Variants in DNM2 observed in about 807,000 individuals in gnomAD.
The protein encoded by DNM2 is dynamin 2.
DNM2 carries 15 observed loss-of-function variants against 99.0 expected under a neutral mutation model. The ratio of observed to expected loss-of-function variants is 0.15; its 90% CI spans 0.10 to 0.23. DNM2 has a LOEUF of 0.23. Ranked by LOEUF, DNM2 falls within the 10% of genes least tolerant of loss-of-function variation. DNM2 has a pLI of 1.00. For missense variants in DNM2, 742 were observed against 1,189.4 expected, an observed-to-expected ratio of 0.62 and a Z score of 5.53; for synonymous variants, 525 against 481.2, an observed-to-expected ratio of 1.09 and a Z score of -1.19.
At chr19:10,803,597 C>G in intron 12 of DNM2, 1 of 985,398 alleles carries the variant, frequency 1.0e-6, no homozygotes, top group Non-Finnish European at 1.2e-6. Context: ...TTCCTTTGAC[C>G]ACTCTTTCCT....
At chr19:10,798,141 G>A (rs1006705409) in intron 10 of DNM2, among the ~76,000 whole-genome samples, 1 of 152,208 alleles carries the variant, frequency 6.6e-6, no homozygotes, top group African/African-American at 2.4e-5. Flanking sequence ...GCCCTTCAGG[G>A]TTCCTGCTCT....
At chr19:10,766,857 C>T (rs567026870) in intron 2 of DNM2, among the ~76,000 whole-genome samples, 1 of 152,264 alleles carries the variant, frequency 6.6e-6, no homozygotes, top group East Asian at 1.9e-4. Context: ...AGGCTGGGTC[C>T]CTCAGAGTCC....
intron 11 of DNM2, among the ~76,000 whole-genome samples, chr19:10,799,068 CAT>C (rs1177146282): frequency 6.6e-6 from 1 of 152,062 alleles, no homozygotes; most frequent in Non-Finnish European, 1.5e-5. Flanking sequence ...TCTACGAAAA[CAT>C]AAAAAAATTA....
At chr19:10,733,008 C>G (rs150906293) in intron 1 of DNM2, among the ~76,000 whole-genome samples, 4 of 151,850 alleles carry the variant, frequency 2.6e-5, no homozygotes, top group Non-Finnish European at 5.9e-5. Context: ...CTCAGCCTCC[C>G]GAGTAGCTGG....
chr19:10,720,978 T>G (rs2145653100), intron 1 of DNM2, among the ~76,000 whole-genome samples: 1 of 152,240 alleles, frequency 6.6e-6, no homozygotes, highest in East Asian at 1.9e-4. Context: ...CTGGAGGCTG[T>G]AAAGTGAGGA....
chr19:10,810,728 C>T (rs1166461518), intron 14 of DNM2: 1 of 152,356 alleles, frequency 6.6e-6, no homozygotes, highest in Non-Finnish European at 1.5e-5. Context: ...GCACCGACAG[C>T]CTGTCTCCCT....
chr19:10,761,817 C>G (rs1019445059), intron 2 of DNM2, among the ~76,000 whole-genome samples: 4 of 152,164 alleles, frequency 2.6e-5, no homozygotes, highest in African/African-American at 7.2e-5. Context: ...AGGCGTGTCT[C>G]CAGTGAGAGA....
At chr19:10,821,422 G>A (rs1381899446) in intron 16 of DNM2, among the ~76,000 whole-genome samples, 1 of 152,076 alleles carries the variant, frequency 6.6e-6, no homozygotes, top group Non-Finnish European at 1.5e-5. Context: ...TTAGTATCCC[G>A]GGCAAAGTGG....
In DNM2 at chr19:10,795,574, C is replaced by A; in HGVS notation, c.1196+135C>A. ...GCTCTTGGATGGTTTTCTGTAGCTGCGAGCCCCTCCCTGAGGGTCTCCAAG... is the reference window on the plus strand; with the variant it reads ...GCTCTTGGATGGTTTTCTGTAGCTGAGAGCCCCTCCCTGAGGGTCTCCAAG... On this transcript the variant is annotated intron_variant, in intron 9 of 20. Coordinates refer to ENST00000389253, the MANE Select transcript of DNM2 (RefSeq NM_001005361.3). This position sits in a 1 kb window ranked among gnomAD's most constrained non-coding sequence, Gnocchi z 4.2. 2.0e-6 allele frequency: 2 copies of A among 1,003,294 alleles called. No individual in the cohort carries two copies. The highest frequency in any genetic ancestry group is 3.1e-6 in the Non-Finnish European group (2 of 650,788). 62.1% of individuals were successfully genotyped at this position (1,003,294 alleles called of 1,614,324 possible).
At chr19:10,767,891 G>A (rs949013418) in intron 2 of DNM2, among the ~76,000 whole-genome samples, 16 of 152,244 alleles carry the variant, frequency 1.1e-4, no homozygotes, top group African/African-American at 3.6e-4. Context: ...GGGTGACAGA[G>A]CAAGACTCAG....
chr19:10,729,195 A>T (rs978355221), intron 1 of DNM2, among the ~76,000 whole-genome samples: 53 of 144,562 alleles, frequency 3.7e-4, no homozygotes, highest in African/African-American at 1.3e-3. Flanking sequence ...AAAAAATATA[A>T]AAAATTAGCC....
At chr19:10,726,368 C>G (rs76242150) in intron 1 of DNM2, among the ~76,000 whole-genome samples, 5,096 of 152,076 alleles carry the variant, frequency 0.034, 105 homozygotes, top group Middle Eastern at 0.066. Flanking sequence ...GCCTTAGTTT[C>G]TTTTTCCTTA....
rs2072588117 is a variant in DNM2 at position 10,812,554 on chromosome 19, C to T, written c.1671+177C>T. ...CTGTAATCCCAGCACTTTGGGAGGG[C>T]GAGGCAGGTAGATCACGAGGTCGGG... On this transcript the variant is annotated intron_variant, in intron 15 of 20. Transcript: ENST00000389253. The surrounding 1 kb of genome is among the most constrained non-coding windows in gnomAD (Gnocchi z 4.0). Among the ~76,000 whole-genome samples, 1 of 151,952 alleles carries T rather than the reference C, an allele frequency of 6.6e-6. No individual in the cohort carries two copies. Among genetic ancestry groups the T allele is most frequent in the Admixed American group, 6.6e-5 (1 of 15,254 alleles).
At chr19:10,819,744 G>T (rs1229877182) in intron 15 of DNM2, among the ~76,000 whole-genome samples, 1 of 152,274 alleles carries the variant, frequency 6.6e-6, no homozygotes, top group African/African-American at 2.4e-5. Context: ...TAGCCCGGTC[G>T]TCCGAAGGCC....
At position 10,831,796 on chromosome 19, in the gene DNM2, C is replaced by CCT. The variant is rs1160759313; in HGVS notation, c.*756_*757dup. The CCT allele has an allele frequency of 1.0e-6, 1 of 987,130 alleles. No individual in the cohort carries two copies. Among genetic ancestry groups the CCT allele is most frequent in the Non-Finnish European group, 1.2e-6 (1 of 831,026 alleles). 61.1% of individuals were successfully genotyped at this position (987,130 alleles called of 1,614,324 possible). ...TCCCTGATGGGTGGGCCCAGGGCGG[C>CCT]CTCTCTCTGAGGAGACCTCACCCAC... On this transcript the variant is annotated 3_prime_UTR_variant, in exon 21 of 21. Coordinates refer to ENST00000389253, the MANE Select transcript of DNM2 (RefSeq NM_001005361.3). The surrounding 1 kb of genome is among the most constrained non-coding windows in gnomAD (Gnocchi z 4.3).
rs1262116690 is a variant in DNM2 at position 10,828,841 on chromosome 19, C to T, written c.2059-195C>T. ...TTGGGAGGCTGAGGCAGGATAATTA[C>T]TTGAACCCGGGAGGCGGAGGTTGCA... On this transcript the variant is annotated intron_variant, in intron 18 of 20. Coordinates refer to ENST00000389253, the MANE Select transcript of DNM2 (RefSeq NM_001005361.3). 5 of 603,902 alleles carry T rather than the reference C, an allele frequency of 8.3e-6. No individual in the cohort carries two copies. In the Admixed American group the frequency reaches 1.3e-4, roughly 16 times the overall value. The allele number at this position is 603,902 out of a possible 1,614,324, so 37.4% of individuals were successfully genotyped here.
Position 10,764,212 on chromosome 19 carries a change from T to G in DNM2, c.235+4401T>G, listed in dbSNP as rs1006224381. Among the ~76,000 whole-genome samples, 1 of 152,092 alleles carries G rather than the reference T, an allele frequency of 6.6e-6. No individual in the cohort carries two copies. Among genetic ancestry groups the G allele is most frequent in the Admixed American group, 6.6e-5 (1 of 15,260 alleles). ...TGGCCCGGGACTTGTTAAAGTGACT[T>G]CCCTCTCTGTGCCTTGGTAGCTTCA... On this transcript the variant is annotated intron_variant, in intron 2 of 20. Transcript: ENST00000389253. This position sits in a 1 kb window ranked among gnomAD's most constrained non-coding sequence, Gnocchi z 4.1.
chr19:10,811,050 T>G lies in DNM2; in HGVS notation c.1558-1214T>G, dbSNP rs2072525005. 1 of 152,430 alleles carries G rather than the reference T, an allele frequency of 6.6e-6. No homozygotes were observed. The highest frequency in any genetic ancestry group is 6.5e-5 in the Admixed American group (1 of 15,280). The allele number at this position is 152,430 out of a possible 1,614,324, so 9.4% of individuals were successfully genotyped here. A position where few individuals can be genotyped will look rare whatever the true frequency, so the allele number is the denominator to read the frequency against. ...GGGGTCACTGCCTGCTCCAAACAAC[T>G]GTGAGAGTCCTGTCTGCTCATCCCA... On this transcript the variant is annotated intron_variant, in intron 14 of 20. Transcript: ENST00000389253. This position sits in a 1 kb window ranked among gnomAD's most constrained non-coding sequence, Gnocchi z 5.4.
At chr19:10,786,351 C>T (rs533786005) in intron 6 of DNM2, 2 of 768,882 alleles carry the variant, frequency 2.6e-6, no homozygotes, top group African/African-American at 3.4e-5. Flanking sequence ...TGTTTGTAGC[C>T]TCTTACACTC....
Sources: allele counts gnomAD v4.1 joint callset (sites outside exome capture counted in the v4.1 genomes callset), GRCh38; gene constraint gnomAD v4.1.1; non-coding constraint Gnocchi (gnomAD v3.1); transcripts MANE v1.5; gene names NCBI Gene and HGNC (gene_info 2026-07-23, HGNC 2026-07-21).